SPIDR: variants seen among roughly 807,000 people sequenced by gnomAD.
SPIDR encodes scaffold protein involved in DNA repair.
In SPIDR, 93 loss-of-function variants were observed where a neutral mutation model predicts 104.6. The ratio of observed to expected loss-of-function variants is 0.89; its 90% CI spans 0.75 to 1.06. The LOEUF is 1.06. Ranked by LOEUF, SPIDR falls within the 50% of genes least tolerant of loss-of-function variation. The pLI, the probability that SPIDR is intolerant of heterozygous loss-of-function variation, is 0.00. For missense variants in SPIDR, 1,154 were observed against 1,111.2 expected, an observed-to-expected ratio of 1.04 and a Z score of -0.55; for synonymous variants, 431 against 416.9, an observed-to-expected ratio of 1.03 and a Z score of -0.41.
chr8:47,653,111 T>G (rs1033956667), intron 10 of SPIDR, among the ~76,000 whole-genome samples: 27 of 152,212 alleles, frequency 1.8e-4, no homozygotes, highest in Admixed American at 1.4e-3. Flanking sequence ...TGCTAATCCA[T>G]TCCATGGAAT....
At chr8:47,639,655 G>T (rs2068531232) in intron 10 of SPIDR, among the ~76,000 whole-genome samples, 1 of 152,154 alleles carries the variant, frequency 6.6e-6, no homozygotes, top group Admixed American at 6.5e-5. Flanking sequence ...TTAAACAGAA[G>T]GAGATTTATT....
At chr8:47,384,687 G>A (rs1193447071) in intron 5 of SPIDR, among the ~76,000 whole-genome samples, 1 of 152,064 alleles carries the variant, frequency 6.6e-6, no homozygotes, top group Non-Finnish European at 1.5e-5. Flanking sequence ...ACAGATGCGG[G>A]GCTTCCCTCA....
intron 5 of SPIDR, among the ~76,000 whole-genome samples, chr8:47,357,328 G>A (rs1316073519): frequency 1.3e-5 from 2 of 152,084 alleles, no homozygotes; most frequent in Non-Finnish European, 2.9e-5. Context: ...CCCATGTCCC[G>A]ACACCCACGC....
At chr8:47,504,140 T>C (rs991958902) in intron 8 of SPIDR, among the ~76,000 whole-genome samples, 1 of 152,202 alleles carries the variant, frequency 6.6e-6, no homozygotes, top group African/African-American at 2.4e-5. Context: ...GAGGAGTGTC[T>C]TTGTGGCGTT....
At chr8:47,313,760 A>G (rs143550252) in intron 5 of SPIDR, among the ~76,000 whole-genome samples, 1 of 152,266 alleles carries the variant, frequency 6.6e-6, no homozygotes, top group African/African-American at 2.4e-5. Context: ...ATAATGCCAC[A>G]TATCTACAAC....
chr8:47,501,074 C>T (rs1242403306), intron 8 of SPIDR, among the ~76,000 whole-genome samples: 2 of 152,096 alleles, frequency 1.3e-5, no homozygotes, highest in Admixed American at 6.6e-5. Context: ...AGTCAGGTAG[C>T]GTGATGCTTC....
At chr8:47,416,702 T>C (rs909207335) in intron 7 of SPIDR, among the ~76,000 whole-genome samples, 2 of 152,108 alleles carry the variant, frequency 1.3e-5, no homozygotes, top group African/African-American at 4.8e-5. Context: ...ATATGTGCCA[T>C]GTTGGTGTGC....
intron 5 of SPIDR, among the ~76,000 whole-genome samples, chr8:47,381,265 T>C (rs1247505595): frequency 6.6e-6 from 1 of 152,182 alleles, no homozygotes; most frequent in Non-Finnish European, 1.5e-5. Flanking sequence ...ATTTTAGAAG[T>C]GAGAGTGGAA....
At chr8:47,469,522 C>T (rs1211431722) in intron 8 of SPIDR, among the ~76,000 whole-genome samples, 1 of 151,618 alleles carries the variant, frequency 6.6e-6, no homozygotes, top group Non-Finnish European at 1.5e-5. Context: ...GTATATACTA[C>T]AGAATACCAT....
At chr8:47,535,814 A>G (rs1344974469) in intron 8 of SPIDR, among the ~76,000 whole-genome samples, 1 of 150,228 alleles carries the variant, frequency 6.7e-6, no homozygotes, top group Non-Finnish European at 1.5e-5. Context: ...TCCCACTGAG[A>G]GCAGGAGCAA....
chr8:47,261,606 C>A (rs942837777), intron 1 of SPIDR, among the ~76,000 whole-genome samples: 1 of 152,202 alleles, frequency 6.6e-6, no homozygotes, highest in Non-Finnish European at 1.5e-5. Flanking sequence ...AAAGTTTCTT[C>A]TAACTTCCTT....
chr8:47,378,098 A>G (rs1011410686), intron 5 of SPIDR, among the ~76,000 whole-genome samples: 3 of 152,198 alleles, frequency 2.0e-5, no homozygotes, highest in Admixed American at 6.5e-5. Flanking sequence ...TGTCTTCCCA[A>G]GAGTGGGGTT....
intron 5 of SPIDR, among the ~76,000 whole-genome samples, chr8:47,318,374 TGAGAA>T (rs1474146274): frequency 6.6e-6 from 1 of 150,946 alleles, no homozygotes; most frequent in Non-Finnish European, 1.5e-5. Context: ...TGAAATGAAG[TGAGAA>T]GAGAAGTTTA....
intron 1 of SPIDR, among the ~76,000 whole-genome samples, chr8:47,274,060 A>C (rs1443204956): frequency 1.3e-5 from 2 of 152,160 alleles, no homozygotes; most frequent in African/African-American, 4.8e-5. Context: ...CAGTAGGATA[A>C]ACTTAGGAGT....
chr8:47,537,361 A>G (rs751753994), intron 8 of SPIDR, among the ~76,000 whole-genome samples: 6 of 152,232 alleles, frequency 3.9e-5, no homozygotes, highest in Non-Finnish European at 8.8e-5. Context: ...ATATTCATCC[A>G]CACAATAGAA....
intron 2 of SPIDR, among the ~76,000 whole-genome samples, chr8:47,281,343 A>T (rs1169552767): frequency 6.6e-6 from 1 of 152,206 alleles, no homozygotes; most frequent in Non-Finnish European, 1.5e-5. Context: ...AGTTTACCAC[A>T]TCTATTTACT....
intron 7 of SPIDR, among the ~76,000 whole-genome samples, chr8:47,418,027 C>T (rs1016274092): frequency 2.0e-4 from 31 of 152,226 alleles, no homozygotes; most frequent in African/African-American, 7.2e-4. Context: ...GTTACTGTAG[C>T]CTTGTAGTAT....
At chr8:47,636,361 A>T (rs1158041058) in intron 10 of SPIDR, among the ~76,000 whole-genome samples, 1 of 152,158 alleles carries the variant, frequency 6.6e-6, no homozygotes, top group Non-Finnish European at 1.5e-5. Context: ...GAAACACAAC[A>T]ATATTGAAAT....
intron 8 of SPIDR, 98 bp from the exon 9 acceptor site, chr8:47,595,713 A>G (rs1446018838): frequency 8.6e-7 from 1 of 1,168,142 alleles, no homozygotes; most frequent in Non-Finnish European, 1.2e-6. Flanking sequence ...AGCTGTCCAT[A>G]GCAGGCGAGT....
Sources: gnomAD v4.1 joint callset for allele counts (sites outside exome capture counted in the v4.1 genomes callset) on GRCh38, gnomAD v4.1.1 for gene constraint, MANE v1.5 for transcripts, NCBI Gene and HGNC (gene_info 2026-07-23, HGNC 2026-07-21) for gene names.